Variants in SBF2 observed in about 807,000 individuals in gnomAD.
SBF2 encodes SET binding factor 2, also known as myotubularin-related protein 13.
In SBF2, 112 loss-of-function variants were observed where a neutral mutation model predicts 225.2. The ratio of observed to expected loss-of-function variants is 0.50; its 90% CI spans 0.43 to 0.58. SBF2 has a LOEUF of 0.58. SBF2 is among the 20% of genes least tolerant of loss of function. The pLI is 0.00. For missense variants in SBF2, 1,996 were observed against 2,206.2 expected (o/e 0.90, Z 1.91); for synonymous variants, 763 against 773.3 (o/e 0.99, Z 0.22).
intron 17 of SBF2, among the ~76,000 whole-genome samples, chr11:9,859,020 A>G (rs1857520258): frequency 6.6e-6 from 1 of 152,196 alleles, no homozygotes; most frequent in African/African-American, 2.4e-5. Flanking sequence ...GCAGGGAAAG[A>G]TAAACACAAA....
chr11:10,302,088 TCA>T (rs1403108508), intron 1 of SBF2, among the ~76,000 whole-genome samples: 1 of 152,208 alleles, frequency 6.6e-6, no homozygotes, highest in African/African-American at 2.4e-5. Flanking sequence ...GAATCTACAA[TCA>T]CTGCCACTTG....
At chr11:10,224,622 T>C (rs1958468705) in intron 1 of SBF2, among the ~76,000 whole-genome samples, 1 of 152,170 alleles carries the variant, frequency 6.6e-6, no homozygotes, top group African/African-American at 2.4e-5. Context: ...CTAAAGTTTT[T>C]TTAATAGGCT....
chr11:9,882,653 T>A (rs560097337), intron 17 of SBF2, among the ~76,000 whole-genome samples: 44 of 151,926 alleles, frequency 2.9e-4, no homozygotes, highest in East Asian at 5.8e-4. Flanking sequence ...CTAAAAATAC[T>A]AAAATTAGCT....
intron 16 of SBF2, among the ~76,000 whole-genome samples, chr11:9,921,597 G>A (rs746707291): frequency 6.6e-6 from 1 of 152,202 alleles, no homozygotes; most frequent in Non-Finnish European, 1.5e-5. Context: ...TACAAGCAAT[G>A]TGTGAAATTC....
chr11:9,958,729 T>G (rs1046447153), intron 16 of SBF2: 1 of 393,454 alleles, frequency 2.5e-6, no homozygotes, highest in Middle Eastern at 7.1e-4. Flanking sequence ...CAGCTGGAGG[T>G]CTAGTTCACT....
intron 1 of SBF2, among the ~76,000 whole-genome samples, chr11:10,249,457 G>GA (rs950993555): frequency 7.3e-5 from 11 of 151,306 alleles, no homozygotes; most frequent in African/African-American, 2.7e-4. Context: ...CACTATCAAA[G>GA]AAAAAAAAGA....
At chr11:10,105,852 G>A (rs1157774216) in intron 2 of SBF2, among the ~76,000 whole-genome samples, 1 of 152,160 alleles carries the variant, frequency 6.6e-6, no homozygotes, top group Non-Finnish European at 1.5e-5. Flanking sequence ...AATGCATAGT[G>A]ACAGAAAGCA....
At chr11:10,292,761 CT>C (rs1325681038) in intron 1 of SBF2, among the ~76,000 whole-genome samples, 2 of 150,664 alleles carry the variant, frequency 1.3e-5, no homozygotes. Flanking sequence ...GGTTAAAAAA[CT>C]GATTTCCCAC....
chr11:10,205,874 G>A (rs940016547), intron 1 of SBF2, among the ~76,000 whole-genome samples: 1 of 151,956 alleles, frequency 6.6e-6, no homozygotes, highest in African/African-American at 2.4e-5. Flanking sequence ...GCACCAGCAA[G>A]AGGTATCTCG....
At chr11:10,071,228 T>G (rs917947167) in intron 2 of SBF2, among the ~76,000 whole-genome samples, 1 of 151,820 alleles carries the variant, frequency 6.6e-6, no homozygotes, top group Non-Finnish European at 1.5e-5. Context: ...AGGGCATCCT[T>G]GTCTTGTGCC....
chr11:10,153,298 A>G (rs1314098511), intron 2 of SBF2, among the ~76,000 whole-genome samples: 1 of 152,206 alleles, frequency 6.6e-6, no homozygotes, highest in African/African-American at 2.4e-5. Context: ...TGGGGCCACA[A>G]AACTAGCATT....
At chr11:9,929,484 G>C (rs1318109816) in intron 16 of SBF2, among the ~76,000 whole-genome samples, 1 of 152,120 alleles carries the variant, frequency 6.6e-6, no homozygotes, top group Non-Finnish European at 1.5e-5. Flanking sequence ...TCACTGTTTG[G>C]TGGTCTGCTG....
At chr11:10,141,278 A>C (rs934634898) in intron 2 of SBF2, among the ~76,000 whole-genome samples, 8 of 152,194 alleles carry the variant, frequency 5.3e-5, no homozygotes, top group Non-Finnish European at 1.2e-4. Context: ...TATTATCTCC[A>C]GCTGAATGTA....
intron 28 of SBF2, among the ~76,000 whole-genome samples, chr11:9,822,449 A>AAATTT (rs1854818171): frequency 6.6e-6 from 1 of 152,034 alleles, no homozygotes; most frequent in Non-Finnish European, 1.5e-5. Context: ...TTTAGTAGAG[A>AAATTT]CAGGGTTTCA....
At chr11:10,050,473 T>A (rs1950020314) in intron 2 of SBF2, among the ~76,000 whole-genome samples, 2 of 152,110 alleles carry the variant, frequency 1.3e-5, no homozygotes, top group Admixed American at 1.3e-4. Context: ...ATAACAATGA[T>A]GTTTAGTTTA....
intron 34 of SBF2, 112 bp downstream of exon 34, chr11:9,790,444 G>A (rs1000017820): frequency 1.1e-6 from 1 of 896,618 alleles, no homozygotes; most frequent in Non-Finnish European, 1.7e-6. Flanking sequence ...TTTTTGGTAT[G>A]AAACCTAGTC....
At chr11:10,288,032 G>A (rs917157537) in intron 1 of SBF2, among the ~76,000 whole-genome samples, 7 of 152,174 alleles carry the variant, frequency 4.6e-5, no homozygotes, top group African/African-American at 9.7e-5. Context: ...CAGCTTCCCC[G>A]GCCGGCACCG....
chr11:9,991,798 T>C (rs1354125131), intron 12 of SBF2, among the ~76,000 whole-genome samples: 1 of 152,132 alleles, frequency 6.6e-6, no homozygotes, highest in African/African-American at 2.4e-5. Flanking sequence ...ATTTAATGTC[T>C]CCTAAGACAG....
intron 16 of SBF2, among the ~76,000 whole-genome samples, chr11:9,918,236 T>C (rs1250071040): frequency 6.6e-6 from 1 of 152,216 alleles, no homozygotes; most frequent in Non-Finnish European, 1.5e-5. Context: ...TTTACTCCTA[T>C]CCATTTTTGA....
Sources: allele counts gnomAD v4.1 joint callset (sites outside exome capture counted in the v4.1 genomes callset), GRCh38; gene constraint gnomAD v4.1.1; transcripts MANE v1.5; gene names NCBI Gene and HGNC (gene_info 2026-07-23, HGNC 2026-07-21).